The following CAB39 variants were observed in gnomAD, a reference collection of about 807,000 sequenced individuals.
CAB39 encodes the protein calcium-binding protein 39.
CAB39 carries 8 observed loss-of-function variants against 40.0 expected under a neutral mutation model. The ratio of observed to expected loss-of-function variants is 0.20; its 90% CI spans 0.12 to 0.36. The LOEUF (loss-of-function observed/expected upper bound fraction) is 0.36, where lower values mean the gene tolerates loss of function less well. Among genes scored for constraint, CAB39 ranks in the 10% least tolerant of loss-of-function variants. CAB39 has a pLI of 1.00. For synonymous variants in CAB39, 156 were observed against 141.6 expected, an observed-to-expected ratio of 1.10 and a Z score of -0.72; for missense variants, 270 against 401.1, an observed-to-expected ratio of 0.67 and a Z score of 2.79.
At chr2:230,802,212 C>T (rs113880421) in intron 5 of CAB39, among the ~76,000 whole-genome samples, 3,542 of 152,180 alleles carry the variant, frequency 0.023, 84 homozygotes, top group Middle Eastern at 0.034. Context: ...TCTTTGAAAC[C>T]AATGAGAACA....
intron 1 of CAB39, among the ~76,000 whole-genome samples, chr2:230,753,925 A>G (rs756271077): frequency 1.5e-4 from 23 of 152,210 alleles, no homozygotes; most frequent in Non-Finnish European, 2.8e-4. Flanking sequence ...CTTAGAACAT[A>G]CAGAAAAGTT....
At chr2:230,733,595 A>G (rs1053951410) in intron 1 of CAB39, among the ~76,000 whole-genome samples, 6 of 152,204 alleles carry the variant, frequency 3.9e-5, no homozygotes, top group African/African-American at 1.2e-4. Flanking sequence ...TCACTCTCCC[A>G]TAAGTAGCTT....
At chr2:230,713,377 A>T (rs1694286538) in intron 1 of CAB39, 147 bp downstream of exon 1, 1 of 152,312 alleles carries the variant, frequency 6.6e-6, no homozygotes, top group Middle Eastern at 3.4e-3. Flanking sequence ...AGCCCCCGGG[A>T]GCAGCCGGGC....
rs28497374 is a variant in CAB39, at chr2:230,794,231, A to G, written c.398+900A>G. ...CCCCCAAGTTCAAGCTTGTTTAGAC[A>G]AAGTGTGAGTCAGTGCCTGTGTTGC... On this transcript the variant is annotated intron_variant, in intron 4 of 8. Transcript: ENST00000258418. 7.1e-3 allele frequency among the ~76,000 whole-genome samples: 1,084 copies of G among 152,320 alleles called. 8 individuals carry two copies. Among genetic ancestry groups the G allele is most frequent in the Non-Finnish European group, 0.012 (802 of 68,014 alleles).
At chr2:230,737,282 A>G (rs1386960746) in intron 1 of CAB39, among the ~76,000 whole-genome samples, 1 of 152,208 alleles carries the variant, frequency 6.6e-6, no homozygotes, top group Admixed American at 6.5e-5. Context: ...AAAAGCCACT[A>G]TCAGAATCAT....
At chr2:230,724,013 G>A (rs747696383) in intron 1 of CAB39, among the ~76,000 whole-genome samples, 7 of 152,148 alleles carry the variant, frequency 4.6e-5, no homozygotes, top group Non-Finnish European at 8.8e-5. Flanking sequence ...GGAGGCTGAG[G>A]TTGGTGGATC....
intron 2 of CAB39, among the ~76,000 whole-genome samples, chr2:230,771,680 G>A (rs1695485250): frequency 6.6e-6 from 1 of 152,138 alleles, no homozygotes; most frequent in Non-Finnish European, 1.5e-5. Flanking sequence ...AAAGTTGGAG[G>A]GCTCACACTG....
chr2:230,752,025 G>GACC (rs1266949798), intron 1 of CAB39: 10 of 71,772 alleles, frequency 1.4e-4, no homozygotes, highest in Admixed American at 3.3e-4. Context: ...TTCATATTCT[G>GACC]ACCACCCCCC....
At chr2:230,803,786 A>G (rs956773813) in intron 5 of CAB39, among the ~76,000 whole-genome samples, 9 of 152,370 alleles carry the variant, frequency 5.9e-5, no homozygotes, top group Non-Finnish European at 1.2e-4. Flanking sequence ...ATGCTCATGG[A>G]TAGGAAGAAT....
chr2:230,777,567 C>T (rs576051434), intron 2 of CAB39, among the ~76,000 whole-genome samples: 6 of 151,910 alleles, frequency 3.9e-5, no homozygotes, highest in South Asian at 4.2e-4. Flanking sequence ...TTACAGGTAC[C>T]TGGCTGATTT....
Position 230,798,807 on chromosome 2 carries a change from C to G in CAB39, c.477C>G (p.Ile159Met). Residue 159 changes from isoleucine to methionine, a missense_variant, in exon 5 of 9, where the codon ATC becomes ATG. Ile to Met is a conservative substitution (Grantham distance 10, BLOSUM62 1). Coordinates refer to ENST00000258418, the MANE Select transcript of CAB39 (RefSeq NM_016289.4). ...TCAGACATGAACCACTTGCAAAAAT[C>G]ATTTTGTGGTCGGAACAGTTTTATG... Reference protein sequence around the residue: ...ECIRHEPLAKIILWSEQFYDF... With the variant: ...ECIRHEPLAKMILWSEQFYDF... 1 of 1,611,004 alleles carries G rather than the reference C, an allele frequency of 6.2e-7. No homozygotes were observed. The highest frequency in any genetic ancestry group is 8.5e-7 in the Non-Finnish European group (1 of 1,178,434).
rs145818432 is a variant in CAB39, at chr2:230,776,015, T to G, written c.115-14857T>G. 1.7e-4 allele frequency among the ~76,000 whole-genome samples: 26 copies of G among 152,226 alleles called. 1 individual carries two copies. The East Asian group carries it at 5.0e-3, about 29-fold the overall frequency. On this transcript the variant is annotated intron_variant, in intron 2 of 8. Transcript: ENST00000258418. Reference sequence around the variant, plus strand: ...GGTTTGAAGTGACGTTTAAGCTGATTTTTAAGGTTTTTGGCAGGCAAAGTG... The same window carrying G: ...GGTTTGAAGTGACGTTTAAGCTGATGTTTAAGGTTTTTGGCAGGCAAAGTG...
chr2:230,752,937 T>C (rs1021538223), intron 1 of CAB39, among the ~76,000 whole-genome samples: 1 of 152,030 alleles, frequency 6.6e-6, no homozygotes, highest in African/African-American at 2.4e-5. Flanking sequence ...AGGACATCTA[T>C]AGGGAGCAGC....
intron 1 of CAB39, among the ~76,000 whole-genome samples, chr2:230,743,274 G>A (rs574377814): frequency 2.6e-5 from 4 of 152,136 alleles, no homozygotes; most frequent in Non-Finnish European, 5.9e-5. Flanking sequence ...AAGTAAGGCC[G>A]GCTATGTCTG....
At chr2:230,776,115 G>A (rs1172583680) in intron 2 of CAB39, among the ~76,000 whole-genome samples, 1 of 152,162 alleles carries the variant, frequency 6.6e-6, no homozygotes, top group Admixed American at 6.5e-5. Context: ...ACTTTAAGAG[G>A]TGGAGATAAA....
At chr2:230,769,351 A>C (rs971776477) in intron 2 of CAB39, among the ~76,000 whole-genome samples, 2 of 152,208 alleles carry the variant, frequency 1.3e-5, no homozygotes, top group African/African-American at 4.8e-5. Context: ...TAGAACAAGC[A>C]AGCAGAAAAT....
At chr2:230,727,267 GAAGCTAA>G (rs990732608) in intron 1 of CAB39, among the ~76,000 whole-genome samples, 8 of 150,834 alleles carry the variant, frequency 5.3e-5, no homozygotes. Context: ...TACCCTTATG[GAAGCTAA>G]AAGGGAGGGG....
At chr2:230,779,001 A>G (rs1014608790) in intron 2 of CAB39, 1 of 152,142 alleles carries the variant, frequency 6.6e-6, no homozygotes, top group Non-Finnish European at 1.5e-5. Flanking sequence ...TGGGAGGGAA[A>G]GTTTAGTTTC....
rs182207593 is a variant in CAB39 at position 230,765,321 on chromosome 2, C to G, written c.114+5206C>G. ...TAACTGCTATTAAAGTTTGGCGTCA[C>G]TGCCTTTGTTCATGCTTGGTTCATG... On this transcript the variant is annotated intron_variant, in intron 2 of 8. Coordinates refer to ENST00000258418, the MANE Select transcript of CAB39 (RefSeq NM_016289.4). Among the ~76,000 whole-genome samples, 1,127 of 152,228 alleles carry G rather than the reference C, an allele frequency of 7.4e-3. 12 individuals carry two copies. Among genetic ancestry groups the G allele is most frequent in the African/African-American group, 0.025 (1,049 of 41,540 alleles).
Sources: gnomAD v4.1 joint callset for allele counts (sites outside exome capture counted in the v4.1 genomes callset) on GRCh38, gnomAD v4.1.1 for gene constraint, MANE v1.5 for transcripts, NCBI Gene and HGNC (gene_info 2026-07-23, HGNC 2026-07-21) for gene names.